Variants in RUNDC3B observed in about 807,000 individuals in gnomAD.
The protein encoded by RUNDC3B is RUN domain-containing protein 3B.
In RUNDC3B, 33 loss-of-function variants were observed where a neutral mutation model predicts 58.4. The observed-to-expected ratio is 0.56, with a 90% CI of 0.43 to 0.75. The LOEUF (loss-of-function observed/expected upper bound fraction) is 0.75, where lower values mean the gene tolerates loss of function less well. Ranked by LOEUF, RUNDC3B falls within the 30% of genes least tolerant of loss-of-function variation. The pLI, the probability that RUNDC3B is intolerant of heterozygous loss-of-function variation, is 0.00. For synonymous variants in RUNDC3B, 193 were observed against 195.2 expected, an observed-to-expected ratio of 0.99 and a Z score of 0.10; for missense variants, 501 against 535.7, an observed-to-expected ratio of 0.94 and a Z score of 0.64.
chr7:87,639,562 G>T (rs1203579711), intron 1 of RUNDC3B, among the ~76,000 whole-genome samples: 1 of 151,974 alleles, frequency 6.6e-6, no homozygotes, highest in Non-Finnish European at 1.5e-5. Flanking sequence ...TAAATATTTT[G>T]TTTTGTTACT....
At chr7:87,661,227 C>T (rs1022839157) in intron 2 of RUNDC3B, among the ~76,000 whole-genome samples, 1 of 151,736 alleles carries the variant, frequency 6.6e-6, no homozygotes, top group Non-Finnish European at 1.5e-5. Context: ...ATAAGGTATC[C>T]ATCACTTCAA....
chr7:87,710,701 C>T, intron 4 of RUNDC3B, 46 bp downstream of exon 4: 2 of 1,031,892 alleles, frequency 1.9e-6, no homozygotes, highest in African/African-American at 1.6e-5. Context: ...GAAAGAATCA[C>T]CTGAAGACTC....
intron 1 of RUNDC3B, among the ~76,000 whole-genome samples, chr7:87,631,880 G>A (rs958930472): frequency 3.9e-5 from 6 of 152,054 alleles, no homozygotes; most frequent in African/African-American, 1.4e-4. Context: ...CTAGATCATT[G>A]TTAACCTTCA....
chr7:87,810,329 G>A (rs1836646006), intron 9 of RUNDC3B, among the ~76,000 whole-genome samples: 1 of 152,198 alleles, frequency 6.6e-6, no homozygotes, highest in Non-Finnish European at 1.5e-5. Flanking sequence ...GAATTCATCT[G>A]ATTGGCTACA....
At chr7:87,801,431 C>A (rs1836149501) in intron 8 of RUNDC3B, among the ~76,000 whole-genome samples, 1 of 152,044 alleles carries the variant, frequency 6.6e-6, no homozygotes, top group Non-Finnish European at 1.5e-5. Flanking sequence ...TGGGACTGTT[C>A]CATTTTTTAC....
At chr7:87,804,147 G>A (rs1410328379) in intron 8 of RUNDC3B, among the ~76,000 whole-genome samples, 5 of 152,174 alleles carry the variant, frequency 3.3e-5, no homozygotes, top group Non-Finnish European at 7.4e-5. Context: ...CTTTTCGAAT[G>A]AGGTAGAAAA....
At chr7:87,653,626 T>C (rs1823797084) in intron 2 of RUNDC3B, among the ~76,000 whole-genome samples, 1 of 152,118 alleles carries the variant, frequency 6.6e-6, no homozygotes, top group Non-Finnish European at 1.5e-5. Flanking sequence ...AACCAACCTA[T>C]CATATTGTGC....
chr7:87,690,907 C>A (rs2130644303), intron 2 of RUNDC3B, among the ~76,000 whole-genome samples: 1 of 151,710 alleles, frequency 6.6e-6, no homozygotes, highest in South Asian at 2.1e-4. Flanking sequence ...TATCTACCTG[C>A]AACTTTATTA....
chr7:87,698,916 G>C (rs1309183894), intron 2 of RUNDC3B, among the ~76,000 whole-genome samples: 3 of 152,186 alleles, frequency 2.0e-5, no homozygotes, highest in Admixed American at 6.5e-5. Context: ...ATCATGACTT[G>C]TAGGATTTCT....
intron 4 of RUNDC3B, 36 bp downstream of exon 4, chr7:87,710,691 G>A: frequency 8.5e-7 from 1 of 1,175,050 alleles, no homozygotes; most frequent in Non-Finnish European, 1.2e-6. Context: ...ATATATATTT[G>A]AAAGAATCAC....
intron 4 of RUNDC3B, 52 bp from the exon 5 acceptor site, chr7:87,739,739 A>G: frequency 1.2e-6 from 1 of 830,888 alleles, no homozygotes; most frequent in Non-Finnish European, 1.9e-6. Flanking sequence ...TCTCTCGATC[A>G]AACTTCCATT....
At chr7:87,795,825 G>A (rs1835789218) in intron 8 of RUNDC3B, among the ~76,000 whole-genome samples, 1 of 152,116 alleles carries the variant, frequency 6.6e-6, no homozygotes, top group Non-Finnish European at 1.5e-5. Context: ...GGGAGGTAGA[G>A]GTTGCAGTGA....
chr7:87,651,902 T>G (rs543129727), intron 2 of RUNDC3B, among the ~76,000 whole-genome samples: 6 of 152,278 alleles, frequency 3.9e-5, no homozygotes, highest in Admixed American at 2.6e-4. Context: ...GTAAAATTGC[T>G]AATGCTTTTT....
Position 87,810,711 on chromosome 7 carries a change from G to A in RUNDC3B, c.1103+3192G>A, listed in dbSNP as rs73706930. 3.3e-3 allele frequency among the ~76,000 whole-genome samples: 508 copies of A among 152,090 alleles called. 3 individuals carry two copies. Among genetic ancestry groups the A allele is most frequent in the African/African-American group, 0.011 (475 of 41,498 alleles). ...TATGCTGTTTATAAAATATAATTTCGTTTATTTATCGATCACTTAGACCTG... is the reference window on the plus strand; with the variant it reads ...TATGCTGTTTATAAAATATAATTTCATTTATTTATCGATCACTTAGACCTG... On this transcript the variant is annotated intron_variant, in intron 9 of 10. Coordinates refer to ENST00000394654, the MANE Select transcript of RUNDC3B (RefSeq NM_001134405.2).
At chr7:87,666,082 C>G (rs146028479) in intron 2 of RUNDC3B, among the ~76,000 whole-genome samples, 1 of 152,000 alleles carries the variant, frequency 6.6e-6, no homozygotes, top group East Asian at 1.9e-4. Context: ...TGACTGATGA[C>G]TGACCTAATT....
At chr7:87,758,609 G>A (rs1833504929) in intron 6 of RUNDC3B, among the ~76,000 whole-genome samples, 1 of 152,098 alleles carries the variant, frequency 6.6e-6, no homozygotes, top group African/African-American at 2.4e-5. Context: ...AATATGTAAA[G>A]AGTTCAAACA....
At chr7:87,794,387 A>G (rs1171644977) in intron 8 of RUNDC3B, among the ~76,000 whole-genome samples, 1 of 152,196 alleles carries the variant, frequency 6.6e-6, no homozygotes, top group East Asian at 1.9e-4. Flanking sequence ...GTGAGCTGAG[A>G]TCATGCCACT....
Position 87,821,174 on chromosome 7 carries a change from T to G in RUNDC3B, c.1225+4912T>G, listed in dbSNP as rs1837404801. 2.0e-5 allele frequency among the ~76,000 whole-genome samples: 3 copies of G among 151,902 alleles called. No individual in the cohort carries two copies. In the South Asian group the frequency reaches 6.2e-4, roughly 32 times the overall value. On this transcript the variant is annotated intron_variant, in intron 10 of 10. Coordinates refer to ENST00000394654, the MANE Select transcript of RUNDC3B (RefSeq NM_001134405.2). ...TCAGCCCAAAATCTCCTTAAGCTGA[T>G]AAGCAACTTCAGCAAAGTCTCAGGA...
At chr7:87,703,574 C>A (rs2130708657) in intron 3 of RUNDC3B, among the ~76,000 whole-genome samples, 1 of 152,294 alleles carries the variant, frequency 6.6e-6, no homozygotes, top group African/African-American at 2.4e-5. Flanking sequence ...GCTTCAATAT[C>A]TTTCAACTCT....
Sources: allele counts gnomAD v4.1 joint callset (sites outside exome capture counted in the v4.1 genomes callset), GRCh38; gene constraint gnomAD v4.1.1; transcripts MANE v1.5; gene names NCBI Gene and HGNC (gene_info 2026-07-23, HGNC 2026-07-21).